MAST4: variants seen among roughly 807,000 people sequenced by gnomAD.
The protein encoded by MAST4 is microtubule-associated serine/threonine-protein kinase 4.
MAST4 carries 89 observed loss-of-function variants against 162.7 expected under a neutral mutation model. The observed-to-expected ratio is 0.55, with a 90% CI of 0.46 to 0.65. The LOEUF is 0.65. Among genes scored for constraint, MAST4 ranks in the 30% least tolerant of loss-of-function variants. The pLI is 0.00. For missense variants in MAST4, 3,153 were observed against 3,374.0 expected (o/e 0.93, Z 1.62); for synonymous variants, 1,479 against 1,361.1 (o/e 1.09, Z -1.91).
At chr5:66,609,761 C>G (rs900882988) in intron 1 of MAST4, among the ~76,000 whole-genome samples, 13 of 146,196 alleles carry the variant, frequency 8.9e-5, no homozygotes, top group Admixed American at 1.4e-4. Flanking sequence ...CAGTTCTGGA[C>G]TAAGCTATTG....
intron 1 of MAST4, among the ~76,000 whole-genome samples, chr5:66,609,335 G>T (rs72759171): frequency 0.14 from 20,664 of 151,338 alleles, 1,687 homozygotes; most frequent in Admixed American, 0.19. Flanking sequence ...TGGACTGAAA[G>T]TCTATTTGCA....
At chr5:66,918,322 A>G (rs1263408099) in intron 4 of MAST4, among the ~76,000 whole-genome samples, 3 of 152,192 alleles carry the variant, frequency 2.0e-5, no homozygotes, top group African/African-American at 7.2e-5. Flanking sequence ...TGAACAAAGA[A>G]CTATAACTGA....
At chr5:66,878,089 A>G (rs1761427475) in intron 3 of MAST4, among the ~76,000 whole-genome samples, 3 of 152,250 alleles carry the variant, frequency 2.0e-5, no homozygotes. Flanking sequence ...ATCAAAGGAT[A>G]AAGCAGTTTG....
intron 1 of MAST4, among the ~76,000 whole-genome samples, chr5:66,746,982 T>C (rs1199247397): frequency 1.3e-5 from 2 of 152,122 alleles, no homozygotes; most frequent in Non-Finnish European, 2.9e-5. Context: ...ATCTTTAGAC[T>C]GTTGACTTTA....
rs545547379 is a variant in MAST4, at chr5:67,080,943, TATATA to T, written c.764-9208_764-9204del. Among the ~76,000 whole-genome samples the T allele has an allele frequency of 1.3e-3, 182 of 139,394 alleles. 3 individuals are homozygous for T. In the South Asian group the frequency reaches 0.032, roughly 25 times the overall value. The allele number at this position is 139,394 out of a possible 152,430, so 91.4% of individuals were successfully genotyped here. A position where few individuals can be genotyped will look rare whatever the true frequency, so the allele number is the denominator to read the frequency against. On this transcript the variant is annotated intron_variant, in intron 5 of 28. Transcript: ENST00000403625. ...TAATGTTTTCTTTAATTATATATAT[TATATA>T]ATATAATATATAATTGTATATATTA...
chr5:66,603,451 G>A (rs1017078897), intron 1 of MAST4, among the ~76,000 whole-genome samples: 1 of 152,276 alleles, frequency 6.6e-6, no homozygotes, highest in East Asian at 1.9e-4. Flanking sequence ...CTTCATTTCA[G>A]CTTCCTAGAA....
chr5:66,704,148 C>A (rs1345683787), intron 1 of MAST4, among the ~76,000 whole-genome samples: 3 of 152,070 alleles, frequency 2.0e-5, no homozygotes, highest in Non-Finnish European at 2.9e-5. Flanking sequence ...CCATTTGTAT[C>A]TCATTTTATT....
intron 3 of MAST4, among the ~76,000 whole-genome samples, chr5:66,796,749 T>C (rs1180949081): frequency 1.3e-5 from 2 of 152,200 alleles, no homozygotes; most frequent in Non-Finnish European, 2.9e-5. Context: ...ACCCAACTGG[T>C]GTGCCAACCA....
intron 24 of MAST4, among the ~76,000 whole-genome samples, chr5:67,150,303 AAG>A (rs1771642753): frequency 6.6e-6 from 1 of 152,228 alleles, no homozygotes; most frequent in South Asian, 2.1e-4. Context: ...AAATGACAGC[AAG>A]AGAGTAGAAT....
At chr5:66,962,563 C>T (rs1011852199) in intron 4 of MAST4, among the ~76,000 whole-genome samples, 3 of 152,104 alleles carry the variant, frequency 2.0e-5, no homozygotes, top group Non-Finnish European at 4.4e-5. Flanking sequence ...CAAAAATTAG[C>T]CAGGTATGGT....
At chr5:66,930,797 TG>T (rs755683081) in intron 4 of MAST4, 3 of 470,690 alleles carry the variant, frequency 6.4e-6, no homozygotes, top group African/African-American at 2.0e-5. Context: ...GAAATAAGAA[TG>T]GGTGTGCCTG....
intron 3 of MAST4, among the ~76,000 whole-genome samples, chr5:66,850,882 A>G (rs185789314): frequency 6.6e-6 from 1 of 151,410 alleles, no homozygotes; most frequent in Non-Finnish European, 1.5e-5. Context: ...TTCTGATTCA[A>G]CTTAAATTGC....
intron 1 of MAST4, among the ~76,000 whole-genome samples, chr5:66,614,228 G>A (rs1416972668): frequency 2.6e-5 from 4 of 152,116 alleles, no homozygotes; most frequent in African/African-American, 4.8e-5. Flanking sequence ...AAAGCAGTCC[G>A]TGAGGCCCCG....
chr5:66,665,761 CT>C (rs1747215158), intron 1 of MAST4, among the ~76,000 whole-genome samples: 1 of 152,192 alleles, frequency 6.6e-6, no homozygotes, highest in Admixed American at 6.5e-5. Context: ...TGTAATCCTT[CT>C]GAGTCTCAGT....
At chr5:67,113,278 C>A (rs1345259543) in intron 11 of MAST4, among the ~76,000 whole-genome samples, 6 of 129,778 alleles carry the variant, frequency 4.6e-5, no homozygotes, top group Non-Finnish European at 3.1e-5. Flanking sequence ...CGCACCACTG[C>A]ACTCCAGCCT....
chr5:66,811,179 G>T (rs2149714127), intron 3 of MAST4, among the ~76,000 whole-genome samples: 1 of 152,338 alleles, frequency 6.6e-6, no homozygotes, highest in South Asian at 2.1e-4. Context: ...TGCAGAGAGA[G>T]ATGTCAGTAA....
chr5:67,000,339 A>G (rs1266769755), intron 4 of MAST4, among the ~76,000 whole-genome samples: 2 of 152,236 alleles, frequency 1.3e-5, no homozygotes, highest in African/African-American at 4.8e-5. Context: ...ACAGCTTTGC[A>G]GACTTCACAT....
intron 4 of MAST4, among the ~76,000 whole-genome samples, chr5:66,915,886 A>G (rs932209778): frequency 1.3e-5 from 2 of 152,186 alleles, no homozygotes; most frequent in Admixed American, 1.3e-4. Context: ...TCCTACCATT[A>G]TGGGTTTCTC....
chr5:66,936,721 C>G (rs1355617120), intron 4 of MAST4, among the ~76,000 whole-genome samples: 1 of 152,172 alleles, frequency 6.6e-6, no homozygotes, highest in African/African-American at 2.4e-5. Context: ...GCCTGACAAT[C>G]ATGGGTTGTT....
Sources: gnomAD v4.1 joint callset for allele counts (sites outside exome capture counted in the v4.1 genomes callset) on GRCh38, gnomAD v4.1.1 for gene constraint, MANE v1.5 for transcripts, NCBI Gene and HGNC (gene_info 2026-07-23, HGNC 2026-07-21) for gene names.